The following TNS3 variants were observed in gnomAD, a reference collection of about 807,000 sequenced individuals.
The protein encoded by TNS3 is tensin-3.
A neutral mutation model predicts 140.9 loss-of-function variants in TNS3; 45 were observed. The observed-to-expected ratio is 0.32, with a 90% confidence interval of 0.25 to 0.41. TNS3 has a LOEUF of 0.41. Ranked by LOEUF, TNS3 falls within the 10% of genes least tolerant of loss-of-function variation. The pLI, the probability that TNS3 is intolerant of heterozygous loss-of-function variation, is 1.00. For synonymous variants in TNS3, 815 were observed against 788.4 expected, an observed-to-expected ratio of 1.03 and a Z score of -0.56; for missense variants, 1,716 against 1,906.7, an observed-to-expected ratio of 0.90 and a Z score of 1.86.
intron 1 of TNS3, chr7:47,556,933 G>A: frequency 2.3e-6 from 1 of 434,632 alleles, no homozygotes; most frequent in East Asian, 7.1e-5. Flanking sequence ...TTGCAGCCAA[G>A]AGGCCCTACT....
chr7:47,284,859 C>T (rs765582552), intron 27 of TNS3, among the ~76,000 whole-genome samples: 20 of 152,256 alleles, frequency 1.3e-4, no homozygotes, highest in South Asian at 6.2e-4. Context: ...GCACGGTACG[C>T]GCTGGGTAGT....
At chr7:47,563,051 T>C (rs1056494079) in intron 1 of TNS3, among the ~76,000 whole-genome samples, 1 of 152,178 alleles carries the variant, frequency 6.6e-6, no homozygotes, top group Non-Finnish European at 1.5e-5. Flanking sequence ...CGTTCTTGTT[T>C]ATGTCCCTAA....
chr7:47,481,187 A>C (rs1281919735), intron 3 of TNS3, 46 bp from the exon 4 acceptor site: 1 of 1,275,000 alleles, frequency 7.8e-7, no homozygotes, highest in African/African-American at 1.5e-5. Context: ...TTCTCCAGGA[A>C]AAAATTAGCA....
intron 20 of TNS3, among the ~76,000 whole-genome samples, chr7:47,312,035 A>T (rs555704236): frequency 9.6e-4 from 146 of 152,304 alleles, no homozygotes; most frequent in African/African-American, 3.5e-3. Context: ...GTTTGTATGA[A>T]CATACTGTTA....
Position 47,581,743 on chromosome 7 carries a change from G to GC in TNS3, c.-265+307dup, listed in dbSNP as rs1218185411. 2.4e-5 allele frequency: 3 copies of GC among 124,772 alleles called. 1 individual carries two copies. Among genetic ancestry groups the GC allele is most frequent in the Admixed American group, 1.7e-4 (2 of 12,016 alleles). 7.7% of individuals were successfully genotyped at this position (124,772 alleles called of 1,614,324 possible). A position where few individuals can be genotyped will look rare whatever the true frequency, so the allele number is the denominator to read the frequency against. On this transcript the variant is annotated intron_variant, in intron 1 of 30. Coordinates refer to ENST00000311160, the MANE Select transcript of TNS3 (RefSeq NM_022748.12). ...GTCCTGGGACTCCTGCCGAGCCCCC[G>GC]CCCCCCACGCGCCGCAAACCCCGTA...
At chr7:47,576,762 A>G (rs1413047393) in intron 1 of TNS3, among the ~76,000 whole-genome samples, 6 of 152,176 alleles carry the variant, frequency 3.9e-5, no homozygotes, top group Non-Finnish European at 7.3e-5. Context: ...TGTGGCTCCA[A>G]GTGAGTGAAA....
intron 4 of TNS3, chr7:47,470,723 G>C (rs891671416): frequency 1.2e-5 from 11 of 927,398 alleles, no homozygotes; most frequent in African/African-American, 3.6e-5. Context: ...CCTCCTAGCC[G>C]GAGTGGGTTT....
chr7:47,489,781 G>A (rs2151822710), intron 3 of TNS3, among the ~76,000 whole-genome samples: 1 of 152,336 alleles, frequency 6.6e-6, no homozygotes, highest in East Asian at 1.9e-4. Flanking sequence ...CTTGCATGCT[G>A]TATACACAAG....
chr7:47,395,951 C>A (rs973945702), intron 16 of TNS3, among the ~76,000 whole-genome samples: 8 of 152,242 alleles, frequency 5.3e-5, no homozygotes, highest in Admixed American at 4.6e-4. Flanking sequence ...TCACTAACCA[C>A]AGACACCCCC....
chr7:47,476,558 G>A (rs989912203), intron 4 of TNS3, among the ~76,000 whole-genome samples: 9 of 152,176 alleles, frequency 5.9e-5, no homozygotes, highest in African/African-American at 2.2e-4. Context: ...AGTTCTAAAA[G>A]CCAGAGGTCC....
intron 15 of TNS3, 96 bp from the exon 16 acceptor site, chr7:47,397,000 A>G (rs1740366559): frequency 2.4e-6 from 2 of 850,588 alleles, no homozygotes; most frequent in African/African-American, 3.3e-5. Flanking sequence ...GCCTGACTTG[A>G]GCAGGAGAGA....
At chr7:47,398,348 A>C (rs984831098) in intron 15 of TNS3, among the ~76,000 whole-genome samples, 1 of 151,918 alleles carries the variant, frequency 6.6e-6, no homozygotes, top group African/African-American at 2.4e-5. Context: ...AAACTAGGAA[A>C]GAATATAACA....
chr7:47,328,517 C>T (rs1379297117), intron 20 of TNS3, among the ~76,000 whole-genome samples: 1 of 151,850 alleles, frequency 6.6e-6, no homozygotes, highest in Non-Finnish European at 1.5e-5. Context: ...AACCCCCATT[C>T]CCCTGGGACC....
intron 1 of TNS3, among the ~76,000 whole-genome samples, chr7:47,534,889 C>A (rs991087736): frequency 6.6e-6 from 1 of 152,138 alleles, no homozygotes; most frequent in African/African-American, 2.4e-5. Flanking sequence ...AGATGCAAAA[C>A]CGAGATGCAG....
rs1485092375 is a variant in TNS3, at chr7:47,481,158, A to G, written c.-114-17T>C. 7.8e-7 allele frequency: 1 copy of G among 1,289,710 alleles called. No individual in the cohort carries two copies. Among genetic ancestry groups the G allele is most frequent in the South Asian group, 1.2e-5 (1 of 81,030 alleles). 79.9% of individuals were successfully genotyped at this position (1,289,710 alleles called of 1,614,324 possible). On this transcript the variant is annotated splice_polypyrimidine_tract_variant and intron_variant, in intron 3 of 30. Coordinates refer to ENST00000311160, the MANE Select transcript of TNS3 (RefSeq NM_022748.12). ...AATCACCACCTTTCAAAGAGAGAAG[A>G]AACAGATAAGCAAATGGATTCTCCA... is the stretch of plus-strand genomic sequence containing the variant.
At chr7:47,454,523 G>C (rs1796164172) in intron 4 of TNS3, among the ~76,000 whole-genome samples, 1 of 152,172 alleles carries the variant, frequency 6.6e-6, no homozygotes, top group Non-Finnish European at 1.5e-5. Flanking sequence ...CATCAGCCCT[G>C]GGGGAGAGAG....
At chr7:47,302,095 G>A (rs971744012) in intron 23 of TNS3, 91 bp downstream of exon 23, 82 of 1,064,318 alleles carry the variant, frequency 7.7e-5, no homozygotes, top group South Asian at 1.4e-4. Context: ...ACGGCTGCCC[G>A]ATGTTCCCAC....
chr7:47,433,380 G>C (rs539881447), intron 8 of TNS3, among the ~76,000 whole-genome samples: 135 of 152,216 alleles, frequency 8.9e-4, no homozygotes, highest in African/African-American at 3.1e-3. Flanking sequence ...ACCAGAAGAG[G>C]GCAAGCCATT....
At chr7:47,390,076 T>G (rs1792422892) in intron 16 of TNS3, among the ~76,000 whole-genome samples, 1 of 152,194 alleles carries the variant, frequency 6.6e-6, no homozygotes, top group Admixed American at 6.5e-5. Flanking sequence ...GGAGCAGCTC[T>G]CAATGCTGGG....
Sources: gnomAD v4.1 joint callset for allele counts (sites outside exome capture counted in the v4.1 genomes callset) on GRCh38, gnomAD v4.1.1 for gene constraint, MANE v1.5 for transcripts, NCBI Gene and HGNC (gene_info 2026-07-23, HGNC 2026-07-21) for gene names.